Variants in SH3GL3 observed in about 807,000 individuals in gnomAD.
SH3GL3 encodes the protein endophilin-A3.
In SH3GL3, 33 loss-of-function variants were observed where a neutral mutation model predicts 47.7. The observed-to-expected ratio is 0.69, with a 90% CI of 0.52 to 0.92. The LOEUF is 0.92. Among genes scored for constraint, SH3GL3 ranks in the 40% least tolerant of loss-of-function variants. The pLI is 0.00. For missense variants in SH3GL3, 363 were observed against 417.8 expected (o/e 0.87, Z 1.14); for synonymous variants, 155 against 148.8 (o/e 1.04, Z -0.30).
intron 1 of SH3GL3, among the ~76,000 whole-genome samples, chr15:83,503,959 G>T (rs1304316850): frequency 6.6e-6 from 1 of 152,014 alleles, no homozygotes; most frequent in Non-Finnish European, 1.5e-5. Context: ...TTCTTTAATT[G>T]TGAGATGAAA....
chr15:83,483,226 A>T (rs936038367), intron 1 of SH3GL3, among the ~76,000 whole-genome samples: 1 of 152,148 alleles, frequency 6.6e-6, no homozygotes, highest in Non-Finnish European at 1.5e-5. Flanking sequence ...AGAGCTTCAG[A>T]TTGATAGTTT....
chr15:83,620,489 T>C (rs2060911884), downstream of SH3GL3, among the ~76,000 whole-genome samples: 1 of 152,234 alleles, frequency 6.6e-6, no homozygotes, highest in South Asian at 2.1e-4. Flanking sequence ...AAAACAACAT[T>C]CATCTCCTTG....
At chr15:83,559,137 T>C in intron 1 of SH3GL3, 116 bp from the exon 2 acceptor site, 1 of 652,026 alleles carries the variant, frequency 1.5e-6, no homozygotes, top group Non-Finnish European at 2.7e-6. Flanking sequence ...AGGAGTTAGT[T>C]CAAAAAATCC....
At chr15:83,541,143 T>C (rs925380246) in intron 1 of SH3GL3, among the ~76,000 whole-genome samples, 1 of 152,098 alleles carries the variant, frequency 6.6e-6, no homozygotes, top group African/African-American at 2.4e-5. Flanking sequence ...GCTGAATATG[T>C]ACCACATTTT....
chr15:83,559,721 C>G (rs139131821), intron 2 of SH3GL3, among the ~76,000 whole-genome samples: 10 of 152,338 alleles, frequency 6.6e-5, no homozygotes, highest in Admixed American at 2.6e-4. Context: ...GACTTGGGCT[C>G]TGCTCCCATG....
At chr15:83,493,336 C>T (rs1262386391) in intron 1 of SH3GL3, among the ~76,000 whole-genome samples, 2 of 152,118 alleles carry the variant, frequency 1.3e-5, no homozygotes, top group Non-Finnish European at 2.9e-5. Flanking sequence ...CAGTTCATTA[C>T]AGAGGTTTTG....
intron 1 of SH3GL3, among the ~76,000 whole-genome samples, chr15:83,511,766 C>T (rs1330178798): frequency 6.6e-6 from 1 of 152,068 alleles, no homozygotes; most frequent in Non-Finnish European, 1.5e-5. Context: ...CTGCTGGTTC[C>T]CTCACCCAGT....
chr15:83,627,308 A>G, the SH3GL3 span, among the ~76,000 whole-genome samples: 1 of 151,890 alleles, frequency 6.6e-6, no homozygotes, highest in Non-Finnish European at 1.5e-5. Context: ...GAGGCCGGAG[A>G]ATGGGTTGAA....
intron 3 of SH3GL3, among the ~76,000 whole-genome samples, chr15:83,567,296 G>A (rs147619905): frequency 6.6e-6 from 1 of 152,172 alleles, no homozygotes; most frequent in Non-Finnish European, 1.5e-5. Flanking sequence ...TCTTTCTTCA[G>A]CATATTGCCG....
intron 1 of SH3GL3, among the ~76,000 whole-genome samples, chr15:83,456,910 T>A (rs929968335): frequency 6.6e-6 from 1 of 152,250 alleles, no homozygotes; most frequent in Non-Finnish European, 1.5e-5. Flanking sequence ...AGCTGTTTAC[T>A]CTTCTGGTAG....
At chr15:83,594,999 G>A (rs1051355270) in intron 8 of SH3GL3, among the ~76,000 whole-genome samples, 1 of 152,118 alleles carries the variant, frequency 6.6e-6, no homozygotes, top group African/African-American at 2.4e-5. Context: ...TCCCGTTACC[G>A]CATATATACC....
downstream of SH3GL3, among the ~76,000 whole-genome samples, chr15:83,620,083 A>G (rs976361960): frequency 6.6e-6 from 1 of 152,316 alleles, no homozygotes; most frequent in South Asian, 2.1e-4. Context: ...CATCTATTCA[A>G]GCTTTTTTAC....
Position 83,618,349 on chromosome 15 carries a change from T to C in SH3GL3, c.*62T>C. ...GAAATGAATTCACACCAGTGTGCTC[T>C]CAGTGCGGTGTTCTGTGACATCCTT... On this transcript the variant is annotated 3_prime_UTR_variant, in exon 9 of 9. Transcript: ENST00000427482. 9.6e-7 allele frequency: 1 copy of C among 1,046,520 alleles called. No individual in the cohort carries two copies. Among genetic ancestry groups the C allele is most frequent in the Non-Finnish European group, 1.5e-6 (1 of 665,132 alleles). 64.8% of individuals were successfully genotyped at this position (1,046,520 alleles called of 1,614,324 possible).
intron 1 of SH3GL3, among the ~76,000 whole-genome samples, chr15:83,493,999 G>A (rs1359474087): frequency 1.3e-5 from 2 of 152,256 alleles, no homozygotes; most frequent in East Asian, 1.9e-4. Flanking sequence ...TCCAGTACAG[G>A]AAGAGTTCAG....
intron 1 of SH3GL3, among the ~76,000 whole-genome samples, chr15:83,518,648 TG>T (rs1430946804): frequency 6.6e-6 from 1 of 152,208 alleles, no homozygotes; most frequent in Non-Finnish European, 1.5e-5. Flanking sequence ...AGACCTTTGT[TG>T]GATGCATAGT....
At chr15:83,613,135 G>C (rs986413170) in intron 8 of SH3GL3, among the ~76,000 whole-genome samples, 3 of 152,186 alleles carry the variant, frequency 2.0e-5, no homozygotes, top group Admixed American at 6.5e-5. Flanking sequence ...TATAATTCAG[G>C]GCAGCCAGTC....
At position 83,513,597 on chromosome 15, in the gene SH3GL3, T is replaced by G. The variant is rs75114641; in HGVS notation, c.46-45656T>G. Reference sequence around the variant, plus strand: ...TCCTTTAGAAAGTCTTTTCTACCACTGAGAACACTTCCCTCATGCTCCACC... The same window carrying G: ...TCCTTTAGAAAGTCTTTTCTACCACGGAGAACACTTCCCTCATGCTCCACC... On this transcript the variant is annotated intron_variant, in intron 1 of 8. Coordinates refer to ENST00000427482, the MANE Select transcript of SH3GL3 (RefSeq NM_003027.5). Among the ~76,000 whole-genome samples the G allele has an allele frequency of 5.4e-3, 823 of 152,330 alleles. 5 individuals are homozygous for G. The highest frequency in any genetic ancestry group is 9.9e-3 in the Admixed American group (151 of 15,298).
intron 1 of SH3GL3, among the ~76,000 whole-genome samples, chr15:83,535,055 A>G (rs763365927): frequency 6.6e-6 from 1 of 152,054 alleles, no homozygotes; most frequent in Non-Finnish European, 1.5e-5. Flanking sequence ...GTAATATTTT[A>G]CATTTTGTAT....
intron 1 of SH3GL3, among the ~76,000 whole-genome samples, chr15:83,461,818 A>C (rs747564356): frequency 3.3e-5 from 5 of 152,184 alleles, no homozygotes; most frequent in Non-Finnish European, 5.9e-5. Flanking sequence ...CTGAGATTCA[A>C]TCACTATTCT....
Sources: gnomAD v4.1 joint callset for allele counts (sites outside exome capture counted in the v4.1 genomes callset) on GRCh38, gnomAD v4.1.1 for gene constraint, MANE v1.5 for transcripts, NCBI Gene and HGNC (gene_info 2026-07-23, HGNC 2026-07-21) for gene names.